PSMD5: variants seen among roughly 807,000 people sequenced by gnomAD.
The protein encoded by PSMD5 is proteasome 26S subunit, non-ATPase 5.
In PSMD5, 40 loss-of-function variants were observed where a neutral mutation model predicts 52.1. That is an observed-to-expected ratio of 0.77 (90% CI 0.60 to 1.00). PSMD5 has a LOEUF of 1.00. Among genes scored for constraint, PSMD5 ranks in the 50% least tolerant of loss-of-function variants. The pLI, the probability that PSMD5 is intolerant of heterozygous loss-of-function variation, is 0.00. For missense variants in PSMD5, 575 were observed against 605.2 expected (o/e 0.95, Z 0.52); for synonymous variants, 211 against 226.6 (o/e 0.93, Z 0.62).
intron 1 of PSMD5, among the ~76,000 whole-genome samples, chr9:120,837,371 C>CT (rs1286564561): frequency 6.6e-6 from 1 of 151,996 alleles, no homozygotes; most frequent in South Asian, 2.1e-4. Flanking sequence ...TCACTTTGTT[C>CT]TTTTTTTTAG....
intron 4 of PSMD5, among the ~76,000 whole-genome samples, chr9:120,830,900 T>TAA (rs1387017101): frequency 6.6e-6 from 1 of 151,550 alleles, no homozygotes; most frequent in Non-Finnish European, 1.5e-5. Flanking sequence ...TATATATATA[T>TAA]ATAAAAAGGG....
intron 4 of PSMD5, among the ~76,000 whole-genome samples, chr9:120,830,420 A>G (rs375889257): frequency 2.4e-4 from 36 of 152,330 alleles, no homozygotes; most frequent in African/African-American, 8.2e-4. Flanking sequence ...ACTGATGGGA[A>G]GTGAAATCAT....
At chr9:120,841,498 G>C (rs923496066) in intron 1 of PSMD5, among the ~76,000 whole-genome samples, 1 of 152,302 alleles carries the variant, frequency 6.6e-6, no homozygotes, top group South Asian at 2.1e-4. Flanking sequence ...AGAATGGCGT[G>C]AATCAGGGAG....
rs1393858176 is a variant in PSMD5, at chr9:120,817,121, A to G, written c.*785T>C. ...AGAGCTCATAAAAAGTATTCTGAGTATAAGGAACATAATCTTAATATTCCA... is the reference window on the plus strand; with the variant it reads ...AGAGCTCATAAAAAGTATTCTGAGTGTAAGGAACATAATCTTAATATTCCA... On this transcript the variant is annotated 3_prime_UTR_variant, in exon 10 of 10. Transcript: ENST00000210313. 1.3e-5 allele frequency: 2 copies of G among 152,236 alleles called. No individual in the cohort carries two copies. The highest frequency in any genetic ancestry group is 2.9e-5 in the Non-Finnish European group (2 of 68,038). The allele number at this position is 152,236 out of a possible 1,614,324, so 9.4% of individuals were successfully genotyped here.
rs1409697510 is a variant in PSMD5 at position 120,833,273 on chromosome 9, A to G, written c.318+39T>C. On this transcript the variant is annotated intron_variant, in intron 2 of 9. Transcript: ENST00000210313. ...TGTCCCAGTGCAGAACCTGGCCCAG[A>G]GCAGGTGGTCAATGTCGGTTCCTAG... is the stretch of plus-strand genomic sequence containing the variant. 5 of 1,602,064 alleles carry G rather than the reference A, an allele frequency of 3.1e-6. No individual in the cohort carries two copies. The South Asian group carries it at 4.4e-5, about 14-fold the overall frequency.
Position 120,821,353 on chromosome 9 carries a change from A to T in PSMD5, c.1116+2T>A. 6.5e-7 allele frequency: 1 copy of T among 1,529,902 alleles called. No individual in the cohort carries two copies. The highest frequency in any genetic ancestry group is 1.4e-5 in the African/African-American group (1 of 72,220). The allele number at this position is 1,529,902 out of a possible 1,614,324, so 94.8% of individuals were successfully genotyped here. On this transcript the variant is annotated splice_donor_variant, in intron 8 of 9. Transcript: ENST00000210313. LOFTEE classifies it high-confidence loss of function. The stretch of plus-strand genomic sequence containing the variant: ...TCCTTCATTATTTCCCTACCTACTT[A>T]CTGGTAAGTACAGAAGAGATGAAAT...
chr9:120,826,884 G>A lies in PSMD5; in HGVS notation c.695C>T (p.Thr232Ile), dbSNP rs1275010143. 1 of 1,613,180 alleles carries A rather than the reference G, an allele frequency of 6.2e-7. No individual in the cohort carries two copies. Among genetic ancestry groups the A allele is most frequent in the African/African-American group, 1.3e-5 (1 of 74,884 alleles). The part of the protein sequence containing the change: ...LVRATCIEMV[T>I]SLAYTHHGRQ... ...CCCATGATGAGTATATGCCAGTGATGTCACCATTTCTATACAGGTGGCTCT... is the reference window on the plus strand; with the variant it reads ...CCCATGATGAGTATATGCCAGTGATATCACCATTTCTATACAGGTGGCTCT... Residue 232 changes from threonine (T) to isoleucine (I), a missense_variant, in exon 6 of 10, where the codon ACA (threonine) becomes ATA (isoleucine). By Grantham distance (89) the Thr-to-Ile change is moderately conservative. Coordinates refer to ENST00000210313, the MANE Select transcript of PSMD5 (RefSeq NM_005047.4).
intron 1 of PSMD5, among the ~76,000 whole-genome samples, chr9:120,838,240 G>A (rs771119460): frequency 2.0e-5 from 3 of 152,136 alleles, no homozygotes; most frequent in East Asian, 1.9e-4. Context: ...CAACTTGTAC[G>A]TTTTATTAAG....
At chr9:120,842,377 A>C in intron 1 of PSMD5, 20 of 243,564 alleles carry the variant, frequency 8.2e-5, no homozygotes, top group East Asian at 2.7e-4. Flanking sequence ...CATTGCCAGG[A>C]TAGGATCCTT....
intron 5 of PSMD5, among the ~76,000 whole-genome samples, chr9:120,828,527 A>G (rs1449391543): frequency 6.8e-6 from 1 of 147,008 alleles, no homozygotes; most frequent in African/African-American, 2.5e-5. Flanking sequence ...TCCCAGGTTC[A>G]AGCAATTCTC....
chr9:120,839,993 T>TGGC (rs2045223368), intron 1 of PSMD5, among the ~76,000 whole-genome samples: 1 of 151,332 alleles, frequency 6.6e-6, no homozygotes, highest in African/African-American at 2.4e-5. Flanking sequence ...GTTGTGGTGG[T>TGGC]GGCACGTGCC....
At chr9:120,840,619 CTTT>C (rs35843505) in intron 1 of PSMD5, among the ~76,000 whole-genome samples, 8 of 116,170 alleles carry the variant, frequency 6.9e-5, no homozygotes, top group Admixed American at 9.2e-5. Flanking sequence ...CTAATTTTTG[CTTT>C]TTTTTTTTTT....
At chr9:120,832,121 T>C (rs2045165581) in intron 2 of PSMD5, among the ~76,000 whole-genome samples, 176 bp from the exon 3 acceptor site, 2 of 152,150 alleles carry the variant, frequency 1.3e-5, no homozygotes, top group African/African-American at 2.4e-5. Context: ...ACATATGGTA[T>C]AGTCACATCT....
chr9:120,835,736 A>T (rs564137316), intron 1 of PSMD5, among the ~76,000 whole-genome samples: 2 of 152,248 alleles, frequency 1.3e-5, no homozygotes, highest in African/African-American at 2.4e-5. Context: ...TCTCAAAAAA[A>T]AAAAATAAAA....
intron 4 of PSMD5, among the ~76,000 whole-genome samples, chr9:120,830,626 G>C (rs2045153139): frequency 6.6e-6 from 1 of 152,132 alleles, no homozygotes; most frequent in South Asian, 2.1e-4. Context: ...TCTGAAGATG[G>C]AATTAGACTA....
At position 120,817,362 on chromosome 9, in the gene PSMD5, C is replaced by T. The variant is rs1395434403; in HGVS notation, c.*544G>A. 1 of 152,574 alleles carries T rather than the reference C, an allele frequency of 6.6e-6. No homozygotes were observed. The highest frequency in any genetic ancestry group is 2.4e-5 in the African/African-American group (1 of 41,430). The allele number at this position is 152,574 out of a possible 1,614,324, so 9.5% of individuals were successfully genotyped here. ...CTCAGCTCACTGCAACCTCTGCCTCCCAGGCTCAAGCGATTCTCGTGCCTC... is the reference window on the plus strand; with the variant it reads ...CTCAGCTCACTGCAACCTCTGCCTCTCAGGCTCAAGCGATTCTCGTGCCTC... On this transcript the variant is annotated 3_prime_UTR_variant, in exon 10 of 10. Transcript: ENST00000210313.
intron 1 of PSMD5, 128 bp downstream of exon 1, chr9:120,842,609 T>A: frequency 8.7e-7 from 1 of 1,146,706 alleles, no homozygotes; most frequent in South Asian, 1.5e-5. Flanking sequence ...TCCTTCCTTC[T>A]CTGCAAATTT....
At position 120,831,372 on chromosome 9, in the gene PSMD5, C is replaced by T. The variant is rs1160663541; in HGVS notation, c.520G>A (p.Val174Ile). Residue 174 changes from valine to isoleucine, a missense_variant, in exon 4 of 10, where the codon GTA becomes ATA. Val to Ile is a conservative substitution (Grantham distance 29). Coordinates refer to ENST00000210313, the MANE Select transcript of PSMD5 (RefSeq NM_005047.4). ...CGAACAATGTCATTTGTTTTCATTA[C>T]ACTTTTCAAATCATCCAGCAGATTG... ...ESNLLDDLKS[V>I]MKTNDIVRYR... 3.7e-6 allele frequency: 6 copies of T among 1,612,682 alleles called. No homozygotes were observed. The highest frequency in any genetic ancestry group is 1.7e-4 in the Middle Eastern group (1 of 6,046).
chr9:120,836,550 C>T (rs1230832050), intron 1 of PSMD5, among the ~76,000 whole-genome samples: 2 of 151,890 alleles, frequency 1.3e-5, no homozygotes, highest in Non-Finnish European at 2.9e-5. Flanking sequence ...GTGTCTGCCA[C>T]CAAGCCCAGC....
Sources: allele counts gnomAD v4.1 joint callset (sites outside exome capture counted in the v4.1 genomes callset), GRCh38; gene constraint gnomAD v4.1.1; transcripts MANE v1.5; gene names NCBI Gene and HGNC (gene_info 2026-07-23, HGNC 2026-07-21).